The following UCMA variants were observed in gnomAD, a reference collection of about 807,000 sequenced individuals.
UCMA encodes the protein upper zone of growth plate and cartilage matrix-associated protein.
In UCMA, 21 loss-of-function variants were observed where a neutral mutation model predicts 21.8. The observed-to-expected ratio is 0.97, with a 90% confidence interval of 0.68 to 1.39. The LOEUF is 1.39. Among genes scored for constraint, UCMA ranks in the 40% most tolerant of loss-of-function variants. The pLI, the probability that UCMA is intolerant of heterozygous loss-of-function variation, is 0.00. For synonymous variants in UCMA, 76 were observed against 67.9 expected, an observed-to-expected ratio of 1.12 and a Z score of -0.58; for missense variants, 193 against 178.9, an observed-to-expected ratio of 1.08 and a Z score of -0.45.
chr10:13,221,926 G>A lies in UCMA; in HGVS notation c.*177C>T, dbSNP rs1834761913. 1.6e-6 allele frequency: 1 copy of A among 643,860 alleles called. No homozygotes were observed. Among genetic ancestry groups the A allele is most frequent in the Non-Finnish European group, 2.7e-6 (1 of 369,534 alleles). The allele number at this position is 643,860 out of a possible 1,614,324, so 39.9% of individuals were successfully genotyped here. On this transcript the variant is annotated 3_prime_UTR_variant, in exon 5 of 5. Coordinates refer to ENST00000378681, the MANE Select transcript of UCMA (RefSeq NM_145314.3). ...GAAGATGGTCTGCAAAGAGGTGAAA[G>A]TCAGGACACTTTCACACACTGGAAG...
At chr10:13,233,846 C>G in intron 1 of UCMA, 46 bp from the exon 2 acceptor site, 1 of 1,608,502 alleles carries the variant, frequency 6.2e-7, no homozygotes, top group African/African-American at 1.3e-5. Context: ...CAGAGGGGAG[C>G]CCAGACCCTG....
At chr10:13,226,726 G>A (rs1431234747) in intron 4 of UCMA, among the ~76,000 whole-genome samples, 1 of 152,150 alleles carries the variant, frequency 6.6e-6, no homozygotes, top group African/African-American at 2.4e-5. Flanking sequence ...CAGAGCAAGG[G>A]CTCAAGGACA....
Position 13,221,980 on chromosome 10 carries a change from TGGCCACTGCA to T in UCMA, c.*113_*122del. 1.1e-6 allele frequency: 1 copy of T among 904,088 alleles called. No individual in the cohort carries two copies. The highest frequency in any genetic ancestry group is 1.7e-6 in the Non-Finnish European group (1 of 573,234). 56.0% of individuals were successfully genotyped at this position (904,088 alleles called of 1,614,324 possible). On this transcript the variant is annotated 3_prime_UTR_variant, in exon 5 of 5. Coordinates refer to ENST00000378681, the MANE Select transcript of UCMA (RefSeq NM_145314.3). Reference sequence around the variant, plus strand: ...AGGCATGCGTCTTTTCAAGAGCTGCTGGCCACTGCAGACCCCAAGCTGAGACCCTCTGAAG... The same window carrying T: ...AGGCATGCGTCTTTTCAAGAGCTGCTGACCCCAAGCTGAGACCCTCTGAAG...
intron 4 of UCMA, among the ~76,000 whole-genome samples, chr10:13,225,548 G>A (rs1159655211): frequency 1.3e-5 from 2 of 151,760 alleles, no homozygotes; most frequent in East Asian, 3.9e-4. Context: ...GGTGGTGGGT[G>A]CCTGTAATCC....
chr10:13,234,062 C>T (rs1834937403), intron 1 of UCMA, 139 bp downstream of exon 1: 3 of 720,898 alleles, frequency 4.2e-6, no homozygotes, highest in Non-Finnish European at 4.5e-6. Flanking sequence ...GTCCTACATG[C>T]ACACGACACA....
chr10:13,233,033 C>T (rs1834919874), intron 3 of UCMA, among the ~76,000 whole-genome samples: 1 of 152,152 alleles, frequency 6.6e-6, no homozygotes, highest in Non-Finnish European at 1.5e-5. Context: ...GTAGCCAAGG[C>T]CACTTAGCAG....
intron 3 of UCMA, among the ~76,000 whole-genome samples, chr10:13,229,987 C>A (rs566442943): frequency 9.4e-4 from 143 of 152,324 alleles, no homozygotes; most frequent in Middle Eastern, 3.4e-3. Context: ...GGTGGCATAT[C>A]CAAGTATACC....
intron 3 of UCMA, among the ~76,000 whole-genome samples, chr10:13,230,699 C>T (rs529197952): frequency 2.0e-5 from 3 of 152,282 alleles, no homozygotes; most frequent in South Asian, 4.1e-4. Flanking sequence ...GTTCCCTACC[C>T]CCAACCCACA....
chr10:13,226,154 T>C (rs1173430283), intron 4 of UCMA, among the ~76,000 whole-genome samples: 2 of 152,066 alleles, frequency 1.3e-5, no homozygotes, highest in Non-Finnish European at 2.9e-5. Flanking sequence ...TCCTTGAGTA[T>C]ACATGTATCC....
At chr10:13,223,995 A>G (rs918920339) in intron 4 of UCMA, among the ~76,000 whole-genome samples, 2 of 152,224 alleles carry the variant, frequency 1.3e-5, no homozygotes, top group African/African-American at 4.8e-5. Flanking sequence ...ACTGTTGCAC[A>G]GTGAATGTAG....
chr10:13,225,716 C>T (rs997009921), intron 4 of UCMA, among the ~76,000 whole-genome samples: 51 of 147,840 alleles, frequency 3.4e-4, no homozygotes, highest in Non-Finnish European at 3.6e-4. Flanking sequence ...TTAGATAGGA[C>T]AGTTAGCTGA....
chr10:13,222,391 G>A (rs905658639), intron 4 of UCMA, among the ~76,000 whole-genome samples, 191 bp from the exon 5 acceptor site: 1 of 152,182 alleles, frequency 6.6e-6, no homozygotes, highest in African/African-American at 2.4e-5. Context: ...TATAAGTCAG[G>A]CCCAGATGGG....
Position 13,234,284 on chromosome 10 carries a change from A to G in UCMA, c.-26T>C, listed in dbSNP as rs1312339574. 1 of 1,612,154 alleles carries G rather than the reference A, an allele frequency of 6.2e-7. No homozygotes were observed. Among genetic ancestry groups the G allele is most frequent in the Admixed American group, 1.7e-5 (1 of 59,828 alleles). On this transcript the variant is annotated 5_prime_UTR_variant, in exon 1 of 5. Coordinates refer to ENST00000378681, the MANE Select transcript of UCMA (RefSeq NM_145314.3). ...CTTTGCAGAGGTAGGGGCTCCGTCCAGGACCCACAAGGCAGACCAGGCGTC... is the reference window on the plus strand; with the variant it reads ...CTTTGCAGAGGTAGGGGCTCCGTCCGGGACCCACAAGGCAGACCAGGCGTC...
rs1335817499 is a variant in UCMA, at chr10:13,221,774, A to G, written c.*329T>C. The G allele has an allele frequency of 3.6e-6, 1 of 280,236 alleles. No homozygotes were observed. The highest frequency in any genetic ancestry group is 4.9e-5 in the Admixed American group (1 of 20,486). The allele number at this position is 280,236 out of a possible 1,614,324, so 17.4% of individuals were successfully genotyped here. A position where few individuals can be genotyped will look rare whatever the true frequency, so the allele number is the denominator to read the frequency against. On this transcript the variant is annotated 3_prime_UTR_variant, in exon 5 of 5. Transcript: ENST00000378681. ...AGAAGATAATACACATGGTTGATTC[A>G]GCGTTTTTATTTGTAAGCCATAAGC... is the stretch of plus-strand genomic sequence containing the variant.
At chr10:13,225,085 G>A (rs138962868) in intron 4 of UCMA, among the ~76,000 whole-genome samples, 1 of 152,096 alleles carries the variant, frequency 6.6e-6, no homozygotes, top group African/African-American at 2.4e-5. Flanking sequence ...TTTGAGACAA[G>A]TTCTCATCCT....
At chr10:13,230,846 C>G (rs1834888617) in intron 3 of UCMA, among the ~76,000 whole-genome samples, 1 of 152,198 alleles carries the variant, frequency 6.6e-6, no homozygotes, top group Admixed American at 6.5e-5. Context: ...CACTTGAGGT[C>G]AGGAGTTCAA....
In UCMA at chr10:13,222,084, G is replaced by C. The variant is rs147222140; in HGVS notation, c.*19C>G. 2.5e-5 allele frequency: 40 copies of C among 1,613,428 alleles called. No homozygotes were observed. The African/African-American group carries it at 4.8e-4, about 19-fold the overall frequency. On this transcript the variant is annotated 3_prime_UTR_variant, in exon 5 of 5. Coordinates refer to ENST00000378681, the MANE Select transcript of UCMA (RefSeq NM_145314.3). The stretch of plus-strand genomic sequence containing the variant: ...ATGGTGCTACAAGCTTTGTCTTCTT[G>C]GCCGGCTTCAGGATGGGATCAGGTG...
chr10:13,230,289 CAG>C (rs1402579299), intron 3 of UCMA, among the ~76,000 whole-genome samples: 1 of 152,122 alleles, frequency 6.6e-6, no homozygotes, highest in Non-Finnish European at 1.5e-5. Flanking sequence ...CCTTAGGCAA[CAG>C]AGCGAGACCC....
At position 13,222,150 on chromosome 10, in the gene UCMA, A is replaced by G. The variant is rs1448739666; in HGVS notation, c.370T>C (p.Tyr124His). The part of the protein sequence containing the change: ...EAVEQWRQWH[Y>H]DGLHPSYLYN... Reference sequence around the variant, plus strand: ...AGATAGGATGGGTGCAGGCCGTCATAGTGCCACTGGCGCCACTGCTCCACA... The same window carrying G: ...AGATAGGATGGGTGCAGGCCGTCATGGTGCCACTGGCGCCACTGCTCCACA... The change falls in exon 5 of 5, where the codon TAT becomes CAT. Residue 124 changes from tyrosine (Y) to histidine (H), a missense_variant. Physicochemically the swap from Tyr to His is moderately conservative, Grantham distance 83 (BLOSUM62 2). Coordinates refer to ENST00000378681, the MANE Select transcript of UCMA (RefSeq NM_145314.3). 1.9e-6 allele frequency: 3 copies of G among 1,614,050 alleles called. No individual in the cohort carries two copies. Among genetic ancestry groups the G allele is most frequent in the Admixed American group, 1.7e-5 (1 of 60,004 alleles).
Sources: allele counts gnomAD v4.1 joint callset (sites outside exome capture counted in the v4.1 genomes callset), GRCh38; gene constraint gnomAD v4.1.1; transcripts MANE v1.5; gene names NCBI Gene and HGNC (gene_info 2026-07-23, HGNC 2026-07-21).